RNF180: variants seen among roughly 807,000 people sequenced by gnomAD.
RNF180 encodes ring finger protein 180, also known as E3 ubiquitin-protein ligase RNF180.
In RNF180, 38 loss-of-function variants were observed where a neutral mutation model predicts 59.2. The observed-to-expected ratio is 0.64, with a 90% CI of 0.50 to 0.84. The LOEUF (loss-of-function observed/expected upper bound fraction) is 0.84. Ranked by LOEUF, RNF180 falls within the 40% of genes least tolerant of loss-of-function variation. RNF180 has a pLI of 0.00. For missense variants in RNF180, 705 were observed against 700.9 expected, an observed-to-expected ratio of 1.01 and a Z score of -0.07; for synonymous variants, 262 against 240.3, an observed-to-expected ratio of 1.09 and a Z score of -0.84.
At chr5:64,220,324 A>G (rs962210235) in intron 5 of RNF180, among the ~76,000 whole-genome samples, 4 of 151,880 alleles carry the variant, frequency 2.6e-5, no homozygotes, top group Non-Finnish European at 4.4e-5. Flanking sequence ...TTTATGATAG[A>G]AACTTCTATT....
intron 6 of RNF180, 133 bp from the exon 7 acceptor site, chr5:64,330,148 T>G (rs531360335): frequency 1.5e-6 from 1 of 669,004 alleles, no homozygotes; most frequent in African/African-American, 1.9e-5. Flanking sequence ...TTGAATCTAT[T>G]TTTGTCTTCA....
intron 7 of RNF180, among the ~76,000 whole-genome samples, chr5:64,342,076 G>A (rs1561271930): frequency 6.6e-6 from 1 of 152,090 alleles, no homozygotes; most frequent in Non-Finnish European, 1.5e-5. Context: ...AAAGAGCAGG[G>A]ACAGATATAA....
intron 1 of RNF180, among the ~76,000 whole-genome samples, chr5:64,191,929 C>G (rs1305657192): frequency 6.6e-6 from 1 of 152,040 alleles, no homozygotes; most frequent in African/African-American, 2.4e-5. Flanking sequence ...TCAGATATTA[C>G]TGTTTAAGTG....
intron 5 of RNF180, among the ~76,000 whole-genome samples, chr5:64,280,684 A>G (rs1186174098): frequency 6.6e-6 from 1 of 151,978 alleles, no homozygotes; most frequent in Non-Finnish European, 1.5e-5. Context: ...TTGTATCAGT[A>G]CCATGCTGTT....
chr5:64,292,277 T>C (rs1394203299), intron 5 of RNF180, among the ~76,000 whole-genome samples: 9 of 152,210 alleles, frequency 5.9e-5, no homozygotes, highest in Non-Finnish European at 1.2e-4. Context: ...TGTCTGCCTT[T>C]GATTTTTAAG....
intron 7 of RNF180, among the ~76,000 whole-genome samples, chr5:64,358,847 A>C (rs1009923600): frequency 1.6e-4 from 22 of 140,394 alleles, no homozygotes; most frequent in Admixed American, 1.3e-3. Context: ...ATGTGATCTC[A>C]TTGTTCAGTT....
intron 5 of RNF180, among the ~76,000 whole-genome samples, chr5:64,297,182 T>C (rs192086754): frequency 1.3e-5 from 2 of 152,200 alleles, no homozygotes; most frequent in East Asian, 3.9e-4. Context: ...TGGTCATATA[T>C]GCTATTCTTT....
intron 5 of RNF180, among the ~76,000 whole-genome samples, chr5:64,252,032 CA>C (rs1028890059): frequency 2.0e-5 from 3 of 151,684 alleles, no homozygotes; most frequent in South Asian, 2.1e-4. Flanking sequence ...CACAAAAATA[CA>C]AAAAAAATCC....
At chr5:64,220,625 T>C (rs1416995565) in intron 5 of RNF180, among the ~76,000 whole-genome samples, 3 of 152,074 alleles carry the variant, frequency 2.0e-5, no homozygotes, top group Non-Finnish European at 4.4e-5. Flanking sequence ...TTAGTATAGT[T>C]GCATAGTATT....
intron 7 of RNF180, among the ~76,000 whole-genome samples, chr5:64,367,501 C>G (rs1746496728): frequency 1.3e-5 from 2 of 151,574 alleles, no homozygotes; most frequent in Admixed American, 1.3e-4. Flanking sequence ...TCTACAAATT[C>G]TGTTTAAATA....
chr5:64,359,695 C>T (rs1030489601), intron 7 of RNF180, among the ~76,000 whole-genome samples: 4 of 150,068 alleles, frequency 2.7e-5, no homozygotes, highest in African/African-American at 9.7e-5. Flanking sequence ...GTGTTTTAGA[C>T]ATGAAGTCCT....
chr5:64,223,592 A>G (rs1025448716), intron 5 of RNF180, among the ~76,000 whole-genome samples: 15 of 152,206 alleles, frequency 9.9e-5, no homozygotes, highest in Non-Finnish European at 1.9e-4. Context: ...CAAACCTAGT[A>G]TGTGATAATA....
intron 5 of RNF180, among the ~76,000 whole-genome samples, chr5:64,314,045 T>G (rs895009748): frequency 1.3e-5 from 2 of 152,158 alleles, no homozygotes; most frequent in Non-Finnish European, 2.9e-5. Context: ...GTCTGCATAT[T>G]AAACCTTTGC....
At chr5:64,354,427 A>G (rs558188591) in intron 7 of RNF180, among the ~76,000 whole-genome samples, 3 of 152,010 alleles carry the variant, frequency 2.0e-5, no homozygotes, top group South Asian at 2.1e-4. Flanking sequence ...CAACAGAACT[A>G]TAACAAGTAA....
chr5:64,349,234 G>A (rs576321308), intron 7 of RNF180, among the ~76,000 whole-genome samples: 2 of 152,002 alleles, frequency 1.3e-5, no homozygotes, highest in East Asian at 3.9e-4. Flanking sequence ...AAAAACTGAG[G>A]TTACAAATAG....
At chr5:64,237,569 G>C (rs530446661) in intron 5 of RNF180, among the ~76,000 whole-genome samples, 8 of 152,180 alleles carry the variant, frequency 5.3e-5, no homozygotes, top group African/African-American at 1.9e-4. Flanking sequence ...GGGGATGGCT[G>C]GGAAGGCATG....
chr5:64,207,947 C>T lies in RNF180; in HGVS notation c.136-4118C>T, dbSNP rs181400734. 3.5e-3 allele frequency among the ~76,000 whole-genome samples: 533 copies of T among 152,048 alleles called. 1 individual carries two copies. Among genetic ancestry groups the T allele is most frequent in the Non-Finnish European group, 4.6e-3 (313 of 67,954 alleles). On this transcript the variant is annotated intron_variant, in intron 2 of 7. Coordinates refer to ENST00000389100, the MANE Select transcript of RNF180 (RefSeq NM_001113561.2). ...AGAATTAGCTGAAGGAATGTTATTGCTTACTTTGGAAATGCAAAGGGTTAA... is the reference window on the plus strand; with the variant it reads ...AGAATTAGCTGAAGGAATGTTATTGTTTACTTTGGAAATGCAAAGGGTTAA...
At position 64,200,856 on chromosome 5, in the gene RNF180, A is replaced by C; in HGVS notation, c.49A>C (p.Thr17Pro). 1 of 1,612,290 alleles carries C rather than the reference A, an allele frequency of 6.2e-7. No homozygotes were observed. Among genetic ancestry groups the C allele is most frequent in the Non-Finnish European group, 8.5e-7 (1 of 1,178,362 alleles). The change falls in exon 2 of 8, where the codon ACA becomes CCA. Residue 17 changes from threonine to proline, a missense_variant. Coordinates refer to ENST00000389100, the MANE Select transcript of RNF180 (RefSeq NM_001113561.2). ...LITKNHSQEE[T>P]SILRCWKCRK... Reference sequence around the variant, plus strand: ...AACTAAAAATCATAGTCAAGAGGAAACAAGTATTCTTCGTTGTTGGAAATG... The same window carrying C: ...AACTAAAAATCATAGTCAAGAGGAACCAAGTATTCTTCGTTGTTGGAAATG...
intron 1 of RNF180, among the ~76,000 whole-genome samples, chr5:64,179,873 C>A (rs1277597905): frequency 6.6e-6 from 1 of 152,158 alleles, no homozygotes; most frequent in Non-Finnish European, 1.5e-5. Context: ...TGAGATTCTT[C>A]TTGTTGCTCC....
Sources: gnomAD v4.1 joint callset for allele counts (sites outside exome capture counted in the v4.1 genomes callset) on GRCh38, gnomAD v4.1.1 for gene constraint, MANE v1.5 for transcripts, NCBI Gene and HGNC (gene_info 2026-07-23, HGNC 2026-07-21) for gene names.